The following ZNF385B variants were observed in gnomAD, a reference collection of about 807,000 sequenced individuals.
ZNF385B encodes zinc finger protein 385B.
A neutral mutation model predicts 39.2 loss-of-function variants in ZNF385B; 23 were observed. That is an observed-to-expected ratio of 0.59 (90% CI 0.42 to 0.83). The LOEUF (loss-of-function observed/expected upper bound fraction) is 0.83, where lower values mean the gene tolerates loss of function less well. Among genes scored for constraint, ZNF385B ranks in the 40% least tolerant of loss-of-function variants. The probability of loss-of-function intolerance (pLI) is 0.00; values close to 1 mark genes in which losing one functional copy is unlikely to be tolerated. For synonymous variants in ZNF385B, 205 were observed against 222.6 expected (o/e 0.92, Z 0.70); for missense variants, 552 against 598.9 (o/e 0.92, Z 0.82).
At chr2:179,448,395 C>T (rs1467209) in intron 6 of ZNF385B, among the ~76,000 whole-genome samples, 99,636 of 151,836 alleles carry the variant, frequency 0.66, 33,440 homozygotes, top group East Asian at 0.93. Context: ...CAGTTTCTTG[C>T]GATGAAAATT....
intron 3 of ZNF385B, among the ~76,000 whole-genome samples, chr2:179,668,810 C>T (rs941676443): frequency 2.6e-5 from 4 of 152,108 alleles, no homozygotes; most frequent in African/African-American, 7.2e-5. Flanking sequence ...TAAAATGATA[C>T]AGTAGATATT....
intron 3 of ZNF385B, among the ~76,000 whole-genome samples, chr2:179,581,018 C>G (rs2106032673): frequency 6.6e-6 from 1 of 152,188 alleles, no homozygotes; most frequent in South Asian, 2.1e-4. Context: ...ATGAAACTGT[C>G]CAAGTTCAGC....
intron 1 of ZNF385B, among the ~76,000 whole-genome samples, chr2:179,784,548 G>A (rs1704874424): frequency 1.3e-5 from 2 of 151,954 alleles, no homozygotes; most frequent in East Asian, 3.9e-4. Context: ...TCCCAGAGTG[G>A]AAAAAGATAT....
At chr2:179,562,484 A>G (rs1343348056) in intron 3 of ZNF385B, 9 of 985,300 alleles carry the variant, frequency 9.1e-6, no homozygotes, top group Non-Finnish European at 1.1e-5. Context: ...TAATTCCATC[A>G]TCTCAACCTG....
At chr2:179,806,667 A>T (rs1009102307) in intron 1 of ZNF385B, among the ~76,000 whole-genome samples, 2 of 151,926 alleles carry the variant, frequency 1.3e-5, no homozygotes, top group Non-Finnish European at 2.9e-5. Context: ...ACTCAGAAAA[A>T]CCCCACAATG....
At chr2:179,658,648 T>G (rs1388269644) in intron 3 of ZNF385B, among the ~76,000 whole-genome samples, 1 of 152,230 alleles carries the variant, frequency 6.6e-6, no homozygotes, top group Non-Finnish European at 1.5e-5. Flanking sequence ...AATTATAGAC[T>G]TTCTCTGTGC....
intron 6 of ZNF385B, among the ~76,000 whole-genome samples, chr2:179,462,686 C>A (rs1422475299): frequency 6.6e-6 from 1 of 152,040 alleles, no homozygotes; most frequent in African/African-American, 2.4e-5. Flanking sequence ...GCTAGAGTAT[C>A]ATCACTATAT....
intron 6 of ZNF385B, among the ~76,000 whole-genome samples, chr2:179,448,436 C>G (rs1353585878): frequency 6.6e-6 from 1 of 152,042 alleles, no homozygotes; most frequent in Non-Finnish European, 1.5e-5. Context: ...TCTTTCCTTG[C>G]TTCAAGCATT....
At chr2:179,578,718 G>A (rs1047445908) in intron 3 of ZNF385B, among the ~76,000 whole-genome samples, 34 of 152,010 alleles carry the variant, frequency 2.2e-4, no homozygotes, top group Non-Finnish European at 8.8e-5. Context: ...ATTAGATTCT[G>A]TTCCTAAAGC....
intron 5 of ZNF385B, among the ~76,000 whole-genome samples, chr2:179,503,893 T>A (rs1223522686): frequency 6.8e-6 from 1 of 146,562 alleles, no homozygotes; most frequent in African/African-American, 2.5e-5. Flanking sequence ...TTTTTTTTTA[T>A]ACTTTAAGTT....
At chr2:179,798,094 A>G (rs1026045658) in intron 1 of ZNF385B, among the ~76,000 whole-genome samples, 1 of 152,038 alleles carries the variant, frequency 6.6e-6, no homozygotes, top group Non-Finnish European at 1.5e-5. Flanking sequence ...TTTAAGTATC[A>G]TTACCAACTT....
intron 3 of ZNF385B, among the ~76,000 whole-genome samples, chr2:179,622,151 G>A (rs1690270599): frequency 6.6e-6 from 1 of 152,050 alleles, no homozygotes; most frequent in East Asian, 1.9e-4. Flanking sequence ...AATTAGCATG[G>A]CTCTGAGCCC....
chr2:179,835,209 C>T (rs937845262), intron 1 of ZNF385B, among the ~76,000 whole-genome samples: 5 of 152,146 alleles, frequency 3.3e-5, no homozygotes, highest in Non-Finnish European at 5.9e-5. Context: ...AGCTTTGAAA[C>T]GCTTTAGCAA....
intron 3 of ZNF385B, among the ~76,000 whole-genome samples, chr2:179,627,737 A>G (rs1690793611): frequency 1.3e-5 from 2 of 152,208 alleles, no homozygotes; most frequent in African/African-American, 4.8e-5. Context: ...ATTTACTAGC[A>G]CACTACTGCC....
At chr2:179,839,020 C>A (rs1255803899) in intron 1 of ZNF385B, among the ~76,000 whole-genome samples, 1 of 151,938 alleles carries the variant, frequency 6.6e-6, no homozygotes, top group South Asian at 2.1e-4. Flanking sequence ...AACAAAGAAT[C>A]CTATAAACAG....
At chr2:179,849,147 C>G (rs903972907) in intron 1 of ZNF385B, among the ~76,000 whole-genome samples, 3 of 152,172 alleles carry the variant, frequency 2.0e-5, no homozygotes, top group Non-Finnish European at 4.4e-5. Flanking sequence ...CCCAATGCCA[C>G]CTCCCAAACA....
At chr2:179,532,530 A>T (rs1574646408) in intron 4 of ZNF385B, among the ~76,000 whole-genome samples, 2 of 152,364 alleles carry the variant, frequency 1.3e-5, no homozygotes, top group South Asian at 4.1e-4. Context: ...TTGTATTTAC[A>T]ATCTATTCAC....
chr2:179,809,685 T>G (rs1291905201), intron 1 of ZNF385B, among the ~76,000 whole-genome samples: 1 of 152,044 alleles, frequency 6.6e-6, no homozygotes, highest in East Asian at 1.9e-4. Context: ...TTGAAAAACC[T>G]AATGGGTCAC....
chr2:179,666,310 C>T (rs574837213), intron 3 of ZNF385B, among the ~76,000 whole-genome samples: 9 of 152,050 alleles, frequency 5.9e-5, no homozygotes, highest in Non-Finnish European at 8.8e-5. Context: ...GCTGAAATAT[C>T]GTCTGAGAGG....
Sources: allele counts gnomAD v4.1 joint callset (sites outside exome capture counted in the v4.1 genomes callset), GRCh38; gene constraint gnomAD v4.1.1; transcripts MANE v1.5; gene names NCBI Gene and HGNC (gene_info 2026-07-23, HGNC 2026-07-21).